Variants in ST7 observed in about 807,000 individuals in gnomAD.
The protein encoded by ST7 is suppression of tumorigenicity 7.
ST7 carries 28 observed loss-of-function variants against 78.7 expected under a neutral mutation model. The observed-to-expected ratio is 0.36, with a 90% CI of 0.26 to 0.49. ST7 has a LOEUF of 0.49. Ranked by LOEUF, ST7 falls within the 20% of genes least tolerant of loss-of-function variation. The pLI, the probability that ST7 is intolerant of heterozygous loss-of-function variation, is 0.99. For synonymous variants in ST7, 247 were observed against 249.6 expected (o/e 0.99, Z 0.10); for missense variants, 418 against 696.0 (o/e 0.60, Z 4.49).
At chr7:117,209,731 C>T in intron 12 of ST7, 56 bp from the exon 13 acceptor site, 1 of 1,569,048 alleles carries the variant, frequency 6.4e-7, no homozygotes, top group East Asian at 2.3e-5. Context: ...ATTTTCAATA[C>T]TGAATTCTAA....
intron 1 of ST7, among the ~76,000 whole-genome samples, chr7:116,964,533 G>A (rs944867509): frequency 6.6e-6 from 1 of 152,114 alleles, no homozygotes; most frequent in African/African-American, 2.4e-5. Context: ...GCGTGTGTAT[G>A]TTTGTGCAGA....
At chr7:116,964,187 T>C (rs1033451638) in intron 1 of ST7, among the ~76,000 whole-genome samples, 1 of 152,254 alleles carries the variant, frequency 6.6e-6, no homozygotes, top group Non-Finnish European at 1.5e-5. Flanking sequence ...AGTTTTGTCT[T>C]GTTTTGGTCA....
At chr7:117,019,312 T>C (rs1231519409) in intron 1 of ST7, among the ~76,000 whole-genome samples, 2 of 152,256 alleles carry the variant, frequency 1.3e-5, no homozygotes, top group African/African-American at 2.4e-5. Context: ...TAATGAAAGT[T>C]CATATGCTTC....
intron 2 of ST7, among the ~76,000 whole-genome samples, chr7:117,109,654 CA>C (rs965321995): frequency 1.9e-4 from 29 of 152,130 alleles, no homozygotes; most frequent in African/African-American, 6.7e-4. Flanking sequence ...GACCCTATTC[CA>C]AAAAATAAAG....
intron 1 of ST7, chr7:116,967,279 G>C (rs1291159714): frequency 2.1e-6 from 1 of 470,980 alleles, no homozygotes; most frequent in African/African-American, 2.0e-5. Flanking sequence ...GAGTTTGGTA[G>C]GGCTCACATA....
intron 1 of ST7, among the ~76,000 whole-genome samples, chr7:117,052,403 A>G (rs1352459345): frequency 1.3e-5 from 2 of 152,200 alleles, no homozygotes; most frequent in Non-Finnish European, 2.9e-5. Context: ...TTAGAGTTAT[A>G]TCTTTGCAAC....
chr7:117,020,749 A>T (rs7788320), intron 1 of ST7: 24 of 1,412,820 alleles, frequency 1.7e-5, no homozygotes, highest in Non-Finnish European at 2.2e-5. Context: ...TTTTGGCTCT[A>T]ATTACAAAGG....
At position 117,050,928 on chromosome 7, in the gene ST7, CAA is replaced by C. The variant is rs11302280; in HGVS notation, c.152-48818_152-48817del. On this transcript the variant is annotated intron_variant, in intron 1 of 15. Transcript: ENST00000323984. ...CTGGCGACAGAGCGAGACTACGTCTCAAAAAAAAAAAAAAAAAGAAAAGAAAA... is the reference window on the plus strand; with the variant it reads ...CTGGCGACAGAGCGAGACTACGTCTCAAAAAAAAAAAAAAAGAAAAGAAAA... 4.3e-3 allele frequency among the ~76,000 whole-genome samples: 482 copies of C among 112,138 alleles called. 2 individuals are homozygous for C. Among genetic ancestry groups the C allele is most frequent in the African/African-American group, 5.2e-3 (160 of 30,888 alleles). The allele number at this position is 112,138 out of a possible 152,430, so 73.6% of individuals were successfully genotyped here.
At chr7:117,008,510 C>T (rs1003480093) in intron 1 of ST7, among the ~76,000 whole-genome samples, 5 of 152,174 alleles carry the variant, frequency 3.3e-5, no homozygotes, top group Non-Finnish European at 7.3e-5. Context: ...ATATAATCTT[C>T]AAGGGCTAGA....
intron 10 of ST7, among the ~76,000 whole-genome samples, chr7:117,181,821 A>C (rs1808793843): frequency 6.6e-6 from 1 of 152,216 alleles, no homozygotes; most frequent in African/African-American, 2.4e-5. Context: ...TGTCTATACA[A>C]TAGTATTTAA....
chr7:117,217,052 G>A (rs1792743698), intron 13 of ST7, among the ~76,000 whole-genome samples: 1 of 152,124 alleles, frequency 6.6e-6, no homozygotes, highest in Non-Finnish European at 1.5e-5. Context: ...TGACTGAAAA[G>A]ACACCAACCA....
intron 1 of ST7, among the ~76,000 whole-genome samples, chr7:117,097,403 G>A (rs1028324742): frequency 2.0e-5 from 3 of 151,560 alleles, no homozygotes; most frequent in African/African-American, 7.3e-5. Flanking sequence ...TTGACTCACG[G>A]CAACTTCCGC....
chr7:116,998,457 C>T (rs992223636), intron 1 of ST7, among the ~76,000 whole-genome samples: 36 of 152,330 alleles, frequency 2.4e-4, no homozygotes, highest in Middle Eastern at 3.4e-3. Flanking sequence ...GGTGCAGCGG[C>T]GGGCTGAAGG....
At chr7:117,148,885 A>G (rs1274204772) in intron 9 of ST7, among the ~76,000 whole-genome samples, 1 of 152,124 alleles carries the variant, frequency 6.6e-6, no homozygotes, top group Non-Finnish European at 1.5e-5. Flanking sequence ...AGCAGAAGCC[A>G]GTGAAGTTGT....
chr7:117,152,184 TATATATATATATATATA>T (rs200795869), intron 9 of ST7, among the ~76,000 whole-genome samples: 10,321 of 68,168 alleles, frequency 0.15, 783 homozygotes, highest in East Asian at 0.29. Flanking sequence ...AAACTATATA[TATATATATATATATATA>T]TATATATATA....
chr7:117,132,739 C>T (rs1349621936), intron 6 of ST7, among the ~76,000 whole-genome samples: 5 of 151,542 alleles, frequency 3.3e-5, no homozygotes, highest in South Asian at 2.1e-4. Context: ...AGTTGATCTA[C>T]GGTTTCTGAT....
At chr7:117,052,382 CA>C (rs533657240) in intron 1 of ST7, among the ~76,000 whole-genome samples, 166 of 152,210 alleles carry the variant, frequency 1.1e-3, no homozygotes, top group African/African-American at 3.9e-3. Context: ...TATGCACCAC[CA>C]GAAAGGATTT....
intron 9 of ST7, among the ~76,000 whole-genome samples, chr7:117,153,208 G>T (rs1806426987): frequency 6.6e-6 from 1 of 152,182 alleles, no homozygotes; most frequent in South Asian, 2.1e-4. Flanking sequence ...TCATCATGGG[G>T]ACTGAGATTG....
chr7:116,973,016 GTT>G, intron 1 of ST7: 1 of 695,328 alleles, frequency 1.4e-6, no homozygotes, highest in Non-Finnish European at 2.6e-6. Context: ...CCATTCATTT[GTT>G]TATAGCAGTA....
Sources: gnomAD v4.1 joint callset for allele counts (sites outside exome capture counted in the v4.1 genomes callset) on GRCh38, gnomAD v4.1.1 for gene constraint, MANE v1.5 for transcripts, NCBI Gene and HGNC (gene_info 2026-07-23, HGNC 2026-07-21) for gene names.